TBX22: variants seen among roughly 807,000 people sequenced by gnomAD.
The protein encoded by TBX22 is T-box transcription factor TBX22.
In TBX22, 8 loss-of-function variants were observed where a neutral mutation model predicts 30.1. That is an observed-to-expected ratio of 0.27 (90% CI 0.16 to 0.48). The LOEUF (loss-of-function observed/expected upper bound fraction) is 0.48, where lower values mean the gene tolerates loss of function less well. Ranked by LOEUF, TBX22 falls within the 20% of genes least tolerant of loss-of-function variation. The probability of loss-of-function intolerance (pLI) is 0.99; values close to 1 mark genes in which losing one functional copy is unlikely to be tolerated. For missense variants in TBX22, 463 were observed against 400.5 expected (o/e 1.16, Z -1.33); for synonymous variants, 173 against 149.1 (o/e 1.16, Z -1.17).
intron 1 of TBX22, among the ~76,000 whole-genome samples, chrX:80,019,048 G>C (rs1225254538): frequency 8.9e-6 from 1 of 111,805 alleles, no homozygotes. Flanking sequence ...AAGAAAACTA[G>C]AAGAAGAAAG....
At chrX:80,029,339 G>A (rs1473331829) in intron 8 of TBX22, among the ~76,000 whole-genome samples, 1 of 112,029 alleles carries the variant, frequency 8.9e-6, no homozygotes, top group Non-Finnish European at 1.9e-5. Context: ...ACAAAAATAA[G>A]CTTTAGAGTT....
intron 1 of TBX22, among the ~76,000 whole-genome samples, chrX:80,018,135 T>C (rs1183150468): frequency 8.9e-6 from 1 of 112,205 alleles, no homozygotes; most frequent in East Asian, 2.8e-4. Context: ...TATATTGAAT[T>C]AAGCTAACCA....
At chrX:80,019,934 C>G (rs748291585) in intron 1 of TBX22, among the ~76,000 whole-genome samples, 4 of 111,442 alleles carry the variant, frequency 3.6e-5, no homozygotes, top group Non-Finnish European at 7.5e-5. Context: ...AACTTACACC[C>G]AAGATATGCT....
chrX:80,018,308 A>G (rs1217290875), intron 1 of TBX22, among the ~76,000 whole-genome samples: 2 of 112,372 alleles, frequency 1.8e-5, no homozygotes, highest in African/African-American at 6.5e-5. Flanking sequence ...AATACCAAAG[A>G]TATATTTCCA....
intron 1 of TBX22, among the ~76,000 whole-genome samples, chrX:80,015,868 C>T (rs1382421537): frequency 9.0e-6 from 1 of 111,375 alleles, no homozygotes; most frequent in Non-Finnish European, 1.9e-5. Flanking sequence ...TCCCTTTTGC[C>T]CCTCGGAGCA....
intron 1 of TBX22, among the ~76,000 whole-genome samples, chrX:80,020,294 T>G (rs1431007041): frequency 9.3e-6 from 1 of 107,917 alleles, no homozygotes; most frequent in South Asian, 4.0e-4. Flanking sequence ...ATAGATTAGA[T>G]AGATAGATAG....
At chrX:80,027,374 G>GTTTT (rs397895286) in intron 7 of TBX22, 54 bp downstream of exon 7, 262 of 419,279 alleles carry the variant, frequency 6.2e-4, no homozygotes, top group Middle Eastern at 1.5e-3. Context: ...ATTTTCACAA[G>GTTTT]TTTTTTTTTT....
At chrX:80,022,986 T>C in intron 2 of TBX22, 74 bp from the exon 3 acceptor site, 2 of 1,058,923 alleles carry the variant, frequency 1.9e-6, no homozygotes, top group Non-Finnish European at 2.6e-6. Context: ...TGCTCCAAGA[T>C]AGGCACCAGC....
intron 3 of TBX22, among the ~76,000 whole-genome samples, chrX:80,023,580 T>A (rs1923826241): frequency 9.0e-6 from 1 of 111,520 alleles, no homozygotes; most frequent in Non-Finnish European, 1.9e-5. Flanking sequence ...ATGGACAGTA[T>A]CCCATGTCAC....
chrX:80,027,359 T>C (rs755036188), intron 7 of TBX22, 39 bp downstream of exon 7: 1 of 697,658 alleles, frequency 1.4e-6, no homozygotes, highest in Non-Finnish European at 2.2e-6. Flanking sequence ...TTGATGTAGC[T>C]AGCTATTTTC....
chrX:80,022,732 G>A, intron 2 of TBX22: 1 of 425,638 alleles, frequency 2.3e-6, no homozygotes, highest in Admixed American at 4.1e-5. Flanking sequence ...TGTATCCTGG[G>A]ATGGGAAGCA....
chrX:80,021,530 C>T (rs935929470), intron 1 of TBX22, among the ~76,000 whole-genome samples: 5 of 112,265 alleles, frequency 4.5e-5, no homozygotes, highest in African/African-American at 1.3e-4. Context: ...TACATCTCTC[C>T]GGATCTGCTT....
intron 8 of TBX22, 33 bp from the exon 9 acceptor site, chrX:80,030,465 T>A: frequency 8.3e-7 from 1 of 1,208,049 alleles, no homozygotes; most frequent in South Asian, 1.8e-5. Context: ...AAATGTCAAG[T>A]TCATTATTCA....
At chrX:80,027,374 G>GTTTTT in intron 7 of TBX22, 54 bp downstream of exon 7, 70 of 424,533 alleles carry the variant, frequency 1.6e-4, no homozygotes, top group Non-Finnish European at 2.0e-4. Context: ...ATTTTCACAA[G>GTTTTT]TTTTTTTTTT....
Position 80,015,041 on chromosome X carries a change from T to C in TBX22, c.-3+154T>C, listed in dbSNP as rs148129611. Among the ~76,000 whole-genome samples the C allele has an allele frequency of 1.4e-4, 15 of 111,086 alleles. No individual in the cohort carries two copies. The East Asian group carries it at 4.3e-3, about 32-fold the overall frequency. ...GATAACTGTCAGTTTCATCTTTCAT[T>C]AACTGGGGGTTTTGTGACAGAGATC... On this transcript the variant is annotated intron_variant, in intron 1 of 8. Transcript: ENST00000373296.
chrX:80,018,235 G>A (rs1021994910), intron 1 of TBX22, among the ~76,000 whole-genome samples: 2 of 111,863 alleles, frequency 1.8e-5, no homozygotes, highest in Non-Finnish European at 3.8e-5. Context: ...CTACGAGTTA[G>A]GGTCTTGTCA....
At chrX:80,024,243 C>A in intron 4 of TBX22, 79 bp downstream of exon 4, 2 of 929,414 alleles carry the variant, frequency 2.2e-6, no homozygotes, top group Non-Finnish European at 3.1e-6. Context: ...AACCTGACAG[C>A]ATGACTTTGA....
rs1009316198 is a variant in TBX22 at position 80,031,753 on chromosome X, A to C, written c.*642A>C. 5.4e-5 allele frequency: 6 copies of C among 111,645 alleles called. No homozygotes were observed. The highest frequency in any genetic ancestry group is 4.8e-4 in the Admixed American group (5 of 10,479). 9.2% of individuals were successfully genotyped at this position (111,645 alleles called of 1,213,427 possible). ...AATGAAAAGTAAAACACTCTAAATA[A>C]ATTTGCTTTTATTTTCTTTTATTTT... is the stretch of plus-strand genomic sequence containing the variant. On this transcript the variant is annotated 3_prime_UTR_variant, in exon 9 of 9. Transcript: ENST00000373296.
At chrX:80,029,269 T>C (rs940410008) in intron 8 of TBX22, among the ~76,000 whole-genome samples, 7 of 111,854 alleles carry the variant, frequency 6.3e-5, no homozygotes, top group African/African-American at 2.3e-4. Flanking sequence ...ACAGCAACAC[T>C]AAAAAAGAAA....
Sources: allele counts gnomAD v4.1 joint callset (sites outside exome capture counted in the v4.1 genomes callset), GRCh38; gene constraint gnomAD v4.1.1; transcripts MANE v1.5; gene names NCBI Gene and HGNC (gene_info 2026-07-23, HGNC 2026-07-21).